MACROD2: variants seen among roughly 807,000 people sequenced by gnomAD.
The protein encoded by MACROD2 is mono-ADP ribosylhydrolase 2.
MACROD2 carries 36 observed loss-of-function variants against 70.4 expected under a neutral mutation model. The ratio of observed to expected loss-of-function variants is 0.51; its 90% CI spans 0.39 to 0.68. The LOEUF is 0.68. Ranked by LOEUF, MACROD2 falls within the 30% of genes least tolerant of loss-of-function variation. MACROD2 has a pLI of 0.00. For missense variants in MACROD2, 496 were observed against 538.4 expected, an observed-to-expected ratio of 0.92 and a Z score of 0.78; for synonymous variants, 172 against 178.8, an observed-to-expected ratio of 0.96 and a Z score of 0.30.
chr20:15,239,135 A>C (rs2077038846), intron 6 of MACROD2, among the ~76,000 whole-genome samples: 1 of 151,984 alleles, frequency 6.6e-6, no homozygotes, highest in Admixed American at 6.6e-5. Context: ...AATAGTATAG[A>C]GCAAAGGCAA....
At position 14,066,520 on chromosome 20, in the gene MACROD2, GACAA is replaced by G. The variant is rs764935742; in HGVS notation, c.164-19097_164-19094del. On this transcript the variant is annotated intron_variant, in intron 2 of 17. Coordinates refer to ENST00000684519, the MANE Select transcript of MACROD2 (RefSeq NM_001351661.2). ...CATTTTATTTTTGTGTCAGAGTAGA[GACAA>G]ACACTGATTTCAAAAATTTCAAAAT... 5.4e-4 allele frequency among the ~76,000 whole-genome samples: 82 copies of G among 152,250 alleles called. No homozygotes were observed. The East Asian group carries it at 6.9e-3, about 13-fold the overall frequency.
At position 15,686,996 on chromosome 20, in the gene MACROD2, C is replaced by CT. The variant is rs953486243; in HGVS notation, c.646-175739dup. On this transcript the variant is annotated intron_variant, in intron 8 of 17. Coordinates refer to ENST00000684519, the MANE Select transcript of MACROD2 (RefSeq NM_001351661.2). ...TCTTTTATATTTCTAAAGCTAGTTT[C>CT]TTTTTTTTTTCTTTTTTTTTTGCAT... is the stretch of plus-strand genomic sequence containing the variant. Among the ~76,000 whole-genome samples, 1,129 of 126,406 alleles carry CT rather than the reference C, an allele frequency of 8.9e-3. 21 individuals are homozygous for CT. The highest frequency in any genetic ancestry group is 0.032 in the African/African-American group (997 of 30,926). 82.9% of individuals were successfully genotyped at this position (126,406 alleles called of 152,430 possible). A position where few individuals can be genotyped will look rare whatever the true frequency, so the allele number is the denominator to read the frequency against.
At chr20:14,244,395 A>G (rs1251876417) in intron 3 of MACROD2, among the ~76,000 whole-genome samples, 1 of 152,196 alleles carries the variant, frequency 6.6e-6, no homozygotes, top group Non-Finnish European at 1.5e-5. Flanking sequence ...CTAAAAAAAA[A>G]AACCCATATT....
At chr20:15,060,420 C>G (rs2075523083) in intron 5 of MACROD2, among the ~76,000 whole-genome samples, 1 of 152,168 alleles carries the variant, frequency 6.6e-6, no homozygotes, top group Non-Finnish European at 1.5e-5. Flanking sequence ...AAGCACGGCC[C>G]AAGACCCAGC....
At chr20:15,849,386 G>T (rs2064270878) in intron 8 of MACROD2, among the ~76,000 whole-genome samples, 1 of 152,150 alleles carries the variant, frequency 6.6e-6, no homozygotes, top group East Asian at 1.9e-4. Flanking sequence ...AACTGTAAAT[G>T]GCATCTGCAT....
chr20:14,446,448 C>T (rs2084183623), intron 3 of MACROD2, among the ~76,000 whole-genome samples: 1 of 152,062 alleles, frequency 6.6e-6, no homozygotes. Context: ...TATTGCCTCT[C>T]AAGTTTTGAA....
intron 3 of MACROD2, among the ~76,000 whole-genome samples, chr20:14,103,717 G>A (rs1601227707): frequency 1.3e-5 from 2 of 151,558 alleles, no homozygotes; most frequent in South Asian, 4.2e-4. Flanking sequence ...TAAAATTTGA[G>A]GACTGCTTAC....
chr20:15,326,206 A>G (rs1343420986), intron 6 of MACROD2, among the ~76,000 whole-genome samples: 1 of 152,100 alleles, frequency 6.6e-6, no homozygotes, highest in Non-Finnish European at 1.5e-5. Context: ...TGTCTTCATA[A>G]ATACTCATCT....
chr20:14,944,977 CA>C (rs2074418914), intron 5 of MACROD2, among the ~76,000 whole-genome samples: 1 of 152,126 alleles, frequency 6.6e-6, no homozygotes, highest in South Asian at 2.1e-4. Flanking sequence ...GGTGTCTCTT[CA>C]AGTGACTTGG....
intron 8 of MACROD2, among the ~76,000 whole-genome samples, chr20:15,510,999 A>G (rs1283561449): frequency 6.6e-6 from 1 of 152,210 alleles, no homozygotes; most frequent in Non-Finnish European, 1.5e-5. Flanking sequence ...AAGTTACTAA[A>G]ACCTGGTCAG....
At chr20:15,404,578 CAG>C (rs1252035081) in intron 6 of MACROD2, among the ~76,000 whole-genome samples, 2 of 152,218 alleles carry the variant, frequency 1.3e-5, no homozygotes, top group East Asian at 3.9e-4. Flanking sequence ...CTGGCTGTTT[CAG>C]AGAGTTACTA....
At chr20:15,777,079 T>C (rs940890811) in intron 8 of MACROD2, among the ~76,000 whole-genome samples, 4 of 152,204 alleles carry the variant, frequency 2.6e-5, no homozygotes, top group Admixed American at 1.3e-4. Context: ...ACAGTGCTTG[T>C]TTAAGGAACT....
chr20:15,159,388 G>A (rs1457892711), intron 5 of MACROD2, among the ~76,000 whole-genome samples: 2 of 151,956 alleles, frequency 1.3e-5, no homozygotes, highest in Non-Finnish European at 2.9e-5. Flanking sequence ...AGAAATAAGA[G>A]TTCAATCAAG....
intron 6 of MACROD2, among the ~76,000 whole-genome samples, chr20:15,421,801 T>C (rs1329594426): frequency 1.3e-5 from 2 of 152,096 alleles, no homozygotes; most frequent in Non-Finnish European, 2.9e-5. Context: ...AAAGAGGGAA[T>C]TGATGTTGGG....
Position 14,809,347 on chromosome 20 carries a change from C to T in MACROD2, c.418+124388C>T, listed in dbSNP as rs531644753. 4.2e-4 allele frequency among the ~76,000 whole-genome samples: 64 copies of T among 151,976 alleles called. 1 individual carries two copies. Among genetic ancestry groups the T allele is most frequent in the Middle Eastern group, 6.8e-3 (2 of 294 alleles). ...TTCTGAATGACTACTGGGTAAATAA[C>T]GAAATTAAGGCAGAAATAAATAAGT... On this transcript the variant is annotated intron_variant, in intron 5 of 17. Transcript: ENST00000684519.
chr20:15,516,269 C>T (rs1176886506), intron 8 of MACROD2, among the ~76,000 whole-genome samples: 2 of 152,000 alleles, frequency 1.3e-5, no homozygotes, highest in African/African-American at 4.8e-5. Flanking sequence ...CCATATGTAA[C>T]CTGTTTCTGA....
At position 16,051,809 on chromosome 20, in the gene MACROD2, A is replaced by G. The variant is rs1473247229; in HGVS notation, c.*1933A>G. ...GTTTTTCTTGTGACTCCCAAATGTT[A>G]GTGCTACTTAGCCTCAGTAATGAGT... On this transcript the variant is annotated 3_prime_UTR_variant, in exon 18 of 18. Transcript: ENST00000684519. The G allele has an allele frequency of 6.6e-6, 1 of 152,192 alleles. No homozygotes were observed. Among genetic ancestry groups the G allele is most frequent in the Non-Finnish European group, 1.5e-5 (1 of 68,042 alleles). The allele number at this position is 152,192 out of a possible 1,614,324, so 9.4% of individuals were successfully genotyped here. A position where few individuals can be genotyped will look rare whatever the true frequency, so the allele number is the denominator to read the frequency against.
At chr20:15,243,307 C>A (rs2077076277) in intron 6 of MACROD2, among the ~76,000 whole-genome samples, 1 of 152,088 alleles carries the variant, frequency 6.6e-6, no homozygotes, top group African/African-American at 2.4e-5. Flanking sequence ...GTTATGTATT[C>A]TCTCTTGGAT....
chr20:14,563,902 G>A (rs531873909), intron 4 of MACROD2, among the ~76,000 whole-genome samples: 10 of 151,994 alleles, frequency 6.6e-5, no homozygotes, highest in African/African-American at 2.4e-4. Flanking sequence ...GCAATCGTAA[G>A]CAAAAAGGAT....
Sources: gnomAD v4.1 joint callset for allele counts (sites outside exome capture counted in the v4.1 genomes callset) on GRCh38, gnomAD v4.1.1 for gene constraint, MANE v1.5 for transcripts, NCBI Gene and HGNC (gene_info 2026-07-23, HGNC 2026-07-21) for gene names.